Variants in DAB1 observed in about 807,000 individuals in gnomAD.
The protein encoded by DAB1 is disabled homolog 1.
DAB1 carries 15 observed loss-of-function variants against 64.6 expected under a neutral mutation model. The observed-to-expected ratio is 0.23, with a 90% confidence interval of 0.16 to 0.36. The LOEUF (loss-of-function observed/expected upper bound fraction) is 0.36. Among genes scored for constraint, DAB1 ranks in the 10% least tolerant of loss-of-function variants. The pLI, the probability that DAB1 is intolerant of heterozygous loss-of-function variation, is 1.00. For synonymous variants in DAB1, 235 were observed against 251.9 expected (o/e 0.93, Z 0.64); for missense variants, 596 against 706.7 (o/e 0.84, Z 1.78).
chr1:57,304,226 T>A (rs370960942), intron 1 of DAB1, among the ~76,000 whole-genome samples: 154 of 152,220 alleles, frequency 1.0e-3, no homozygotes, highest in Non-Finnish European at 2.0e-3. Flanking sequence ...AGGTGCCTCA[T>A]ACTTTTAAAC....
chr1:57,306,714 A>G (rs761681000), intron 1 of DAB1: 11 of 152,056 alleles, frequency 7.2e-5, no homozygotes, highest in Non-Finnish European at 1.0e-4. Flanking sequence ...AAGAAATATT[A>G]TAGTCATTTA....
chr1:57,637,928 T>C (rs1001247994), intron 7 of DAB1, among the ~76,000 whole-genome samples: 2 of 152,186 alleles, frequency 1.3e-5, no homozygotes, highest in Non-Finnish European at 2.9e-5. Context: ...AATGGAGCAT[T>C]TACTCAATGG....
chr1:57,231,422 G>A (rs1667673043), intron 2 of DAB1, among the ~76,000 whole-genome samples: 1 of 152,144 alleles, frequency 6.6e-6, no homozygotes, highest in Admixed American at 6.5e-5. Flanking sequence ...AGCTTCATGA[G>A]ACCGTCTCTT....
intron 3 of DAB1, among the ~76,000 whole-genome samples, chr1:58,504,225 G>C (rs1415223001): frequency 6.6e-6 from 1 of 152,160 alleles, no homozygotes; most frequent in African/African-American, 2.4e-5. Context: ...GATCCTGCGT[G>C]GTCTGGTCCC....
chr1:57,165,591 T>A (rs1007193090), intron 2 of DAB1, among the ~76,000 whole-genome samples: 3 of 152,226 alleles, frequency 2.0e-5, no homozygotes, highest in African/African-American at 7.2e-5. Flanking sequence ...TGATAAACAT[T>A]TTCACATACA....
chr1:57,918,116 T>C (rs534292869), intron 5 of DAB1, among the ~76,000 whole-genome samples: 1 of 148,724 alleles, frequency 6.7e-6, no homozygotes, highest in Non-Finnish European at 1.5e-5. Context: ...TATAAAAATA[T>C]GATTTACACT....
chr1:57,850,011 T>C (rs1653448290), intron 1 of DAB1, among the ~76,000 whole-genome samples: 1 of 152,158 alleles, frequency 6.6e-6, no homozygotes, highest in Non-Finnish European at 1.5e-5. Context: ...GACATTGGAC[T>C]CAACAGCTAG....
intron 6 of DAB1, among the ~76,000 whole-genome samples, chr1:57,737,738 T>C (rs72664612): frequency 0.057 from 8,618 of 152,268 alleles, 276 homozygotes; most frequent in Middle Eastern, 0.095. Context: ...ACAACCATTT[T>C]GAGAAGGGGA....
intron 5 of DAB1, among the ~76,000 whole-genome samples, chr1:58,052,836 G>T (rs1557627948): frequency 6.6e-6 from 1 of 152,016 alleles, no homozygotes; most frequent in Non-Finnish European, 1.5e-5. Context: ...TTATGATTTG[G>T]CTCTCTGTTT....
chr1:57,182,413 G>A (rs1191355029), intron 2 of DAB1, among the ~76,000 whole-genome samples: 1 of 152,214 alleles, frequency 6.6e-6, no homozygotes, highest in African/African-American at 2.4e-5. Context: ...GGATCTGGCT[G>A]AAGCTGCAGA....
chr1:57,283,462 C>G lies in DAB1; in HGVS notation c.67+7502G>C, dbSNP rs1169078465. ...ACAGAGGAAAGGAATATTTCTTAAT[C>G]TTGATTCTAGGTATAGAGTTTCAAT... is the stretch of plus-strand genomic sequence containing the variant. On this transcript the variant is annotated intron_variant, in intron 2 of 14. Coordinates refer to ENST00000371236, the MANE Select transcript of DAB1 (RefSeq NM_001365792.1). Among the ~76,000 whole-genome samples the G allele has an allele frequency of 2.0e-5, 3 of 152,140 alleles. No homozygotes were observed. The East Asian group carries it at 5.8e-4, about 29-fold the overall frequency.
intron 5 of DAB1, among the ~76,000 whole-genome samples, chr1:58,147,983 G>GGAA (rs1553163449): frequency 8.8e-6 from 1 of 113,538 alleles, no homozygotes; most frequent in Non-Finnish European, 2.0e-5. Flanking sequence ...TATAGCTGGA[G>GGAA]AAAAAAAAAA....
In DAB1 at chr1:57,546,819, A is replaced by G. The variant is rs1644860979; in HGVS notation, n.625+102773T>C. ...CCTAAGAACCCATTTCTCAGAGCAT[A>G]TCCCTGTCATTAAGCAATGCATGAC... On this transcript the variant is annotated intron_variant and non_coding_transcript_variant, in intron 7 of 20. Transcript: ENST00000485760. 2.0e-5 allele frequency among the ~76,000 whole-genome samples: 3 copies of G among 152,156 alleles called. No individual in the cohort carries two copies. In the South Asian group the frequency reaches 6.2e-4, roughly 32 times the overall value.
chr1:58,498,224 A>C (rs1195614180), intron 3 of DAB1, among the ~76,000 whole-genome samples: 1 of 151,948 alleles, frequency 6.6e-6, no homozygotes, highest in African/African-American at 2.4e-5. Flanking sequence ...ATTTATAATA[A>C]TGGTAAAACT....
intron 5 of DAB1, among the ~76,000 whole-genome samples, chr1:57,992,267 T>C (rs1411570815): frequency 6.6e-6 from 1 of 152,202 alleles, no homozygotes; most frequent in Non-Finnish European, 1.5e-5. Context: ...GGATAGGGCT[T>C]CAAGGGTGCC....
At chr1:57,336,176 C>T (rs1677064001) in intron 1 of DAB1, among the ~76,000 whole-genome samples, 1 of 152,180 alleles carries the variant, frequency 6.6e-6, no homozygotes, top group Admixed American at 6.5e-5. Flanking sequence ...TTCGCATTAA[C>T]TTCAAGTAAG....
At chr1:57,069,195 C>T (rs1396403554) in intron 8 of DAB1, among the ~76,000 whole-genome samples, 165 bp downstream of exon 8, 2 of 152,118 alleles carry the variant, frequency 1.3e-5, no homozygotes, top group African/African-American at 4.8e-5. Context: ...AACAACAAGG[C>T]ATGAAAACTA....
chr1:58,151,137 G>A (rs1654911004), intron 4 of DAB1, among the ~76,000 whole-genome samples: 1 of 152,162 alleles, frequency 6.6e-6, no homozygotes, highest in South Asian at 2.1e-4. Context: ...ATTGTGAATA[G>A]TGCCGCAATA....
chr1:57,708,575 C>T (rs1646993424), intron 6 of DAB1, among the ~76,000 whole-genome samples: 1 of 152,206 alleles, frequency 6.6e-6, no homozygotes, highest in African/African-American at 2.4e-5. Context: ...TCCCAGGCCA[C>T]TTCAGTTAGT....
Sources: gnomAD v4.1 joint callset for allele counts (sites outside exome capture counted in the v4.1 genomes callset) on GRCh38, gnomAD v4.1.1 for gene constraint, MANE v1.5 for transcripts, NCBI Gene and HGNC (gene_info 2026-07-23, HGNC 2026-07-21) for gene names.